PITPNC1: variants seen among roughly 807,000 people sequenced by gnomAD.
The protein encoded by PITPNC1 is cytoplasmic phosphatidylinositol transfer protein 1.
A neutral mutation model predicts 44.7 loss-of-function variants in PITPNC1; 18 were observed. That is an observed-to-expected ratio of 0.40 (90% CI 0.28 to 0.60). The LOEUF is 0.60. Among genes scored for constraint, PITPNC1 ranks in the 20% least tolerant of loss-of-function variants. The pLI, the probability that PITPNC1 is intolerant of heterozygous loss-of-function variation, is 0.39. For synonymous variants in PITPNC1, 141 were observed against 149.6 expected (o/e 0.94, Z 0.42); for missense variants, 290 against 418.4 (o/e 0.69, Z 2.68).
intron 1 of PITPNC1, among the ~76,000 whole-genome samples, chr17:67,476,012 T>C (rs2039621220): frequency 6.6e-6 from 1 of 152,134 alleles, no homozygotes; most frequent in East Asian, 1.9e-4. Flanking sequence ...CAGTATTAAC[T>C]CCTCACTCTA....
intron 1 of PITPNC1, among the ~76,000 whole-genome samples, chr17:67,455,051 G>A (rs1188826401): frequency 6.6e-6 from 1 of 151,926 alleles, no homozygotes; most frequent in East Asian, 1.9e-4. Context: ...GAACTCCTGA[G>A]CTCAAGTGAT....
intron 8 of PITPNC1, among the ~76,000 whole-genome samples, chr17:67,689,856 T>C (rs2042888242): frequency 6.6e-6 from 1 of 152,238 alleles, no homozygotes; most frequent in Non-Finnish European, 1.5e-5. Flanking sequence ...CATACCCTGA[T>C]ACACTAAAAT....
At chr17:67,578,370 C>A in intron 5 of PITPNC1, 113 bp downstream of exon 5, 1 of 723,344 alleles carries the variant, frequency 1.4e-6, no homozygotes, top group South Asian at 1.5e-5. Flanking sequence ...CCTGGGACCT[C>A]AGAGATGTTC....
intron 1 of PITPNC1, among the ~76,000 whole-genome samples, chr17:67,448,461 G>A (rs1008286271): frequency 1.3e-5 from 2 of 152,112 alleles, no homozygotes; most frequent in Admixed American, 6.5e-5. Flanking sequence ...AGACTTCTTC[G>A]CTGGCATGTA....
intron 6 of PITPNC1, among the ~76,000 whole-genome samples, chr17:67,664,087 C>T (rs1460251916): frequency 6.6e-6 from 1 of 152,100 alleles, no homozygotes; most frequent in Non-Finnish European, 1.5e-5. Context: ...CCCAGCCTTC[C>T]CGAGTACCTG....
Position 67,438,178 on chromosome 17 carries a change from G to A in PITPNC1, c.48+59976G>A, listed in dbSNP as rs1435258812. ...TCACTCAATAGCCCTAGCCATGAAC[G>A]TTGTAATTGACCCTCTGCAGCACAT... On this transcript the variant is annotated intron_variant, in intron 1 of 8. Transcript: ENST00000581322. Among the ~76,000 whole-genome samples, 5 of 152,314 alleles carry A rather than the reference G, an allele frequency of 3.3e-5. No individual in the cohort carries two copies. In the South Asian group the frequency reaches 6.2e-4, roughly 19 times the overall value.
At chr17:67,523,614 A>C (rs2040356018) in intron 1 of PITPNC1, among the ~76,000 whole-genome samples, 1 of 152,006 alleles carries the variant, frequency 6.6e-6, no homozygotes, top group Non-Finnish European at 1.5e-5. Context: ...AAGCTAGTCA[A>C]TGGTAGAATC....
chr17:67,586,445 A>AAT, intron 5 of PITPNC1, among the ~76,000 whole-genome samples: 1 of 147,458 alleles, frequency 6.8e-6, no homozygotes, highest in Admixed American at 6.8e-5. Context: ...AAAAAAAAAA[A>AAT]TTAGCTGGGC....
At chr17:67,455,107 C>T (rs945095423) in intron 1 of PITPNC1, among the ~76,000 whole-genome samples, 8 of 152,154 alleles carry the variant, frequency 5.3e-5, no homozygotes, top group African/African-American at 1.9e-4. Flanking sequence ...AGGTGTGAGC[C>T]TCTGTACCCA....
chr17:67,570,755 GTC>G (rs1230703661), intron 4 of PITPNC1, among the ~76,000 whole-genome samples: 1 of 151,162 alleles, frequency 6.6e-6, no homozygotes. Flanking sequence ...TTGAACTGAA[GTC>G]TGTTTTACTC....
intron 1 of PITPNC1, among the ~76,000 whole-genome samples, chr17:67,471,126 C>T (rs574028533): frequency 0.01 from 1,279 of 127,158 alleles, 31 homozygotes; most frequent in African/African-American, 0.038. Context: ...TGTTTATCTG[C>T]TGACCTTCCC....
At chr17:67,460,041 G>A (rs2039312802) in intron 1 of PITPNC1, among the ~76,000 whole-genome samples, 1 of 152,012 alleles carries the variant, frequency 6.6e-6, no homozygotes, top group Non-Finnish European at 1.5e-5. Flanking sequence ...TTCTCAATTT[G>A]TCCTTTGTCA....
rs757931405 is a variant in PITPNC1 at position 67,508,135 on chromosome 17, G to GA, written c.49-24664dup. Among the ~76,000 whole-genome samples, 4 of 152,164 alleles carry GA rather than the reference G, an allele frequency of 2.6e-5. No homozygotes were observed. On this transcript the variant is annotated intron_variant, in intron 1 of 8. Transcript: ENST00000581322. This position sits in a 1 kb window ranked among gnomAD's most constrained non-coding sequence, Gnocchi z 4.2. Reference sequence around the variant, plus strand: ...CAGCCAGAAAATTGAATGTCCTCATGAAATTTGCAAAGCTGTTACCAGAAA... The same window carrying GA: ...CAGCCAGAAAATTGAATGTCCTCATGAAAATTTGCAAAGCTGTTACCAGAAA...
At chr17:67,687,254 C>T (rs77999171) in intron 8 of PITPNC1, 9,860 of 834,730 alleles carry the variant, frequency 0.012, 399 homozygotes, top group African/African-American at 0.1. Context: ...CTGGGAAATA[C>T]TGCAGATGCC....
At chr17:67,538,326 G>A (rs892797815) in intron 2 of PITPNC1, among the ~76,000 whole-genome samples, 26 of 152,140 alleles carry the variant, frequency 1.7e-4, no homozygotes, top group Non-Finnish European at 3.5e-4. Flanking sequence ...ATGGCTGGGC[G>A]TGGTGGCTCA....
rs1247855255 is a variant in PITPNC1, at chr17:67,377,599, G to A, written c.-556G>A. On this transcript the variant is annotated 5_prime_UTR_variant, in exon 1 of 9. Coordinates refer to ENST00000581322, the MANE Select transcript of PITPNC1 (RefSeq NM_012417.4). Reference sequence around the variant, plus strand: ...CAGGAAATCTTGTTTACCGCCCGCGGAGAGAAGCCGATCGAGCCTTTGTCT... The same window carrying A: ...CAGGAAATCTTGTTTACCGCCCGCGAAGAGAAGCCGATCGAGCCTTTGTCT... 2 of 152,844 alleles carry A rather than the reference G, an allele frequency of 1.3e-5. No individual in the cohort carries two copies. The highest frequency in any genetic ancestry group is 4.8e-5 in the African/African-American group (2 of 41,462). The allele number at this position is 152,844 out of a possible 1,614,324, so 9.5% of individuals were successfully genotyped here.
rs1568021003 is a variant in PITPNC1 at position 67,512,510 on chromosome 17, A to AACAAAC, written c.49-20291_49-20290insCAAACA. Among the ~76,000 whole-genome samples the AACAAAC allele has an allele frequency of 3.8e-3, 570 of 148,970 alleles. 10 individuals are homozygous for AACAAAC. Among genetic ancestry groups the AACAAAC allele is most frequent in the South Asian group, 0.029 (137 of 4,802 alleles). On this transcript the variant is annotated intron_variant, in intron 1 of 8. Transcript: ENST00000581322. ...AGTGAGACTGTGTCTCAAAAAAAAA[A>AACAAAC]AAAAAAAAAAAAACAGCTGGACTTG...
rs2043023867 is a variant in PITPNC1, at chr17:67,697,178, TTTCTTCC to T, written c.*4292_*4298del. The T allele has an allele frequency of 6.6e-6, 1 of 150,998 alleles. No individual in the cohort carries two copies. The highest frequency in any genetic ancestry group is 1.5e-5 in the Non-Finnish European group (1 of 67,824). The allele number at this position is 150,998 out of a possible 1,614,324, so 9.4% of individuals were successfully genotyped here. A position where few individuals can be genotyped will look rare whatever the true frequency, so the allele number is the denominator to read the frequency against. The stretch of plus-strand genomic sequence containing the variant: ...TGTCATTTTGTGGCTGTTCTGTGTT[TTTCTTCC>T]TAGTTATTTATTATTGTTAATAACT... On this transcript the variant is annotated 3_prime_UTR_variant, in exon 9 of 9. Coordinates refer to ENST00000581322, the MANE Select transcript of PITPNC1 (RefSeq NM_012417.4).
At chr17:67,391,060 C>CCTGTGTGTGTGT (rs139823870) in intron 1 of PITPNC1, among the ~76,000 whole-genome samples, 31 of 146,798 alleles carry the variant, frequency 2.1e-4, no homozygotes, top group Admixed American at 2.1e-3. Context: ...ACTTTTTTAG[C>CCTGTGTGTGTGT]GTGTGTGTGT....
Sources: allele counts gnomAD v4.1 joint callset (sites outside exome capture counted in the v4.1 genomes callset), GRCh38; gene constraint gnomAD v4.1.1; non-coding constraint Gnocchi (gnomAD v3.1); transcripts MANE v1.5; gene names NCBI Gene and HGNC (gene_info 2026-07-23, HGNC 2026-07-21).